PRSS23: variants seen among roughly 807,000 people sequenced by gnomAD.
PRSS23 encodes the protein protease, serine 23.
A neutral mutation model predicts 34.7 loss-of-function variants in PRSS23; 25 were observed. That is an observed-to-expected ratio of 0.72 (90% CI 0.53 to 1.01). The LOEUF (loss-of-function observed/expected upper bound fraction) is 1.01, where lower values mean the gene tolerates loss of function less well. PRSS23 is among the 50% of genes least tolerant of loss of function. The pLI is 0.00. For synonymous variants in PRSS23, 176 were observed against 186.6 expected, an observed-to-expected ratio of 0.94 and a Z score of 0.46; for missense variants, 445 against 475.6, an observed-to-expected ratio of 0.94 and a Z score of 0.60.
chr11:86,851,217 T>C (rs1234659911), intron 2 of PRSS23, among the ~76,000 whole-genome samples: 1 of 152,202 alleles, frequency 6.6e-6, no homozygotes, highest in Non-Finnish European at 1.5e-5. Context: ...CTGAGTTGCA[T>C]TTTGAAACAG....
chr11:86,868,505 C>A (rs1358625719), intron 2 of PRSS23, among the ~76,000 whole-genome samples: 1 of 152,104 alleles, frequency 6.6e-6, no homozygotes, highest in African/African-American at 2.4e-5. Flanking sequence ...AACTCCTAGC[C>A]CCACAAGGCA....
At position 86,840,412 on chromosome 11, in the gene PRSS23, G is replaced by A. The variant is rs953958045; in HGVS notation, c.206+16819G>A. 7.2e-5 allele frequency among the ~76,000 whole-genome samples: 11 copies of A among 152,282 alleles called. No homozygotes were observed. The South Asian group carries it at 1.0e-3, about 14-fold the overall frequency. ...TAAAGGGATCAATTAAACAAGAAGA[G>A]CTAACTATCCTAAATATATATGCAC... On this transcript the variant is annotated intron_variant, in intron 2 of 2. Transcript: ENST00000533902.
chr11:86,808,245 A>ATGG lies in PRSS23; in HGVS notation c.607_609dup (p.Gly203dup). On this transcript the variant is annotated inframe_insertion, in exon 2 of 2. Transcript: ENST00000280258. ...GGCTTCCTAAAGCCCAAGTTTAAAGATGGTGGTCGAGGGGCCAACGACTCC... is the reference window on the plus strand; with the variant it reads ...GGCTTCCTAAAGCCCAAGTTTAAAGATGGTGGTGGTCGAGGGGCCAACGACTCC... The ATGG allele has an allele frequency of 6.2e-7, 1 of 1,614,088 alleles. No homozygotes were observed. The highest frequency in any genetic ancestry group is 8.5e-7 in the Non-Finnish European group (1 of 1,180,010).
At chr11:86,895,088 C>T (rs1590917592) in intron 2 of PRSS23, among the ~76,000 whole-genome samples, 1 of 152,254 alleles carries the variant, frequency 6.6e-6, no homozygotes, top group East Asian at 1.9e-4. Flanking sequence ...AGAATTCTGG[C>T]TTTTAAGTCC....
At chr11:86,938,908 T>C (rs1369662191) in intron 2 of PRSS23, 3 of 353,330 alleles carry the variant, frequency 8.5e-6, no homozygotes, top group Middle Eastern at 4.4e-4. Flanking sequence ...GTAAGACATA[T>C]ACACCAGAAA....
chr11:86,949,807 A>G (rs977689473), intron 2 of PRSS23: 9 of 152,664 alleles, frequency 5.9e-5, no homozygotes, highest in Admixed American at 4.6e-4. Flanking sequence ...GAGATTCATT[A>G]AGCACCATAT....
At chr11:86,838,640 C>T (rs953837443) in intron 2 of PRSS23, among the ~76,000 whole-genome samples, 6 of 152,188 alleles carry the variant, frequency 3.9e-5, no homozygotes, top group African/African-American at 7.2e-5. Flanking sequence ...GCATGGCATT[C>T]GAGCTCCAAG....
chr11:86,892,884 G>T (rs1254021236), intron 2 of PRSS23, among the ~76,000 whole-genome samples: 1 of 152,062 alleles, frequency 6.6e-6, no homozygotes, highest in East Asian at 1.9e-4. Flanking sequence ...CCGTGATCAA[G>T]AATTTACATA....
intron 2 of PRSS23, among the ~76,000 whole-genome samples, chr11:86,893,220 T>A (rs1948852930): frequency 6.6e-6 from 1 of 152,208 alleles, no homozygotes; most frequent in South Asian, 2.1e-4. Context: ...GAGAGCTTAG[T>A]CCTGCCACAC....
chr11:86,846,410 C>T (rs1039703524), intron 2 of PRSS23, among the ~76,000 whole-genome samples: 3 of 152,138 alleles, frequency 2.0e-5, no homozygotes, highest in East Asian at 3.9e-4. Context: ...ACTAAAGACA[C>T]GGGTGTCAGG....
chr11:86,952,337 G>A, exon 3 of PRSS23: 1 of 1,614,196 alleles, frequency 6.2e-7, no homozygotes, highest in South Asian at 1.1e-5. Flanking sequence ...CAGACTCTCT[G>A]GCCAGGCAAA....
chr11:86,920,927 T>C (rs912187640), intron 2 of PRSS23, among the ~76,000 whole-genome samples: 6 of 152,162 alleles, frequency 3.9e-5, no homozygotes, highest in African/African-American at 1.4e-4. Context: ...GGCCTTACTT[T>C]CCCTCTCAGC....
chr11:86,873,090 C>T (rs1590905430), intron 2 of PRSS23, among the ~76,000 whole-genome samples: 2 of 151,704 alleles, frequency 1.3e-5, no homozygotes, highest in South Asian at 4.2e-4. Flanking sequence ...TGGACACCCA[C>T]CTATGATATT....
chr11:86,812,725 T>A (rs1272044522), downstream of PRSS23, among the ~76,000 whole-genome samples: 1 of 149,276 alleles, frequency 6.7e-6, no homozygotes, highest in Non-Finnish European at 1.5e-5. Flanking sequence ...GAGTCGGAGA[T>A]TGCAATGAGC....
intron 2 of PRSS23, among the ~76,000 whole-genome samples, chr11:86,893,332 T>C (rs1948853691): frequency 6.6e-6 from 1 of 152,206 alleles, no homozygotes; most frequent in Admixed American, 6.5e-5. Context: ...CCTAGTAAAC[T>C]AATACATATA....
chr11:86,852,218 C>A (rs1041904153), intron 2 of PRSS23, among the ~76,000 whole-genome samples: 1 of 152,180 alleles, frequency 6.6e-6, no homozygotes, highest in Non-Finnish European at 1.5e-5. Context: ...CAGGGTGAGA[C>A]ATGAGCCTCC....
chr11:86,840,715 A>G lies in PRSS23; in HGVS notation c.206+17122A>G, dbSNP rs565530337. Among the ~76,000 whole-genome samples the G allele has an allele frequency of 3.3e-5, 5 of 152,306 alleles. No homozygotes were observed. In the South Asian group the frequency reaches 1.0e-3, roughly 32 times the overall value. The stretch of plus-strand genomic sequence containing the variant: ...AATTGACCACATAATTGGAAGTAAA[A>G]CACTCCTCAGCAAATGTAAAAGAAC... On this transcript the variant is annotated intron_variant, in intron 2 of 2. Transcript: ENST00000533902.
At chr11:86,929,668 T>C (rs998436762) in intron 2 of PRSS23, among the ~76,000 whole-genome samples, 42 of 152,340 alleles carry the variant, frequency 2.8e-4, no homozygotes, top group African/African-American at 9.4e-4. Context: ...CATATACAAT[T>C]TGTACCAGCA....
chr11:86,805,553 G>A (rs1948090761), intron 1 of PRSS23, among the ~76,000 whole-genome samples: 1 of 152,176 alleles, frequency 6.6e-6, no homozygotes, highest in South Asian at 2.1e-4. Flanking sequence ...TTGGAAAGAT[G>A]GAGACAAGTA....
Sources: allele counts gnomAD v4.1 joint callset (sites outside exome capture counted in the v4.1 genomes callset), GRCh38; gene constraint gnomAD v4.1.1; transcripts MANE v1.5; gene names NCBI Gene and HGNC (gene_info 2026-07-23, HGNC 2026-07-21).